The following MTHFD1L variants were observed in gnomAD, a reference collection of about 807,000 sequenced individuals.
MTHFD1L encodes the protein methylenetetrahydrofolate dehydrogenase (NADP+ dependent) 1 like.
In MTHFD1L, 81 loss-of-function variants were observed where a neutral mutation model predicts 119.5. The ratio of observed to expected loss-of-function variants is 0.68; its 90% CI spans 0.57 to 0.82. The LOEUF (loss-of-function observed/expected upper bound fraction) is 0.82. Ranked by LOEUF, MTHFD1L falls within the 40% of genes least tolerant of loss-of-function variation. MTHFD1L has a pLI of 0.00. For synonymous variants in MTHFD1L, 430 were observed against 475.2 expected (o/e 0.90, Z 1.24); for missense variants, 1,125 against 1,253.4 (o/e 0.90, Z 1.55).
chr6:150,956,922 A>G (rs909602167), intron 17 of MTHFD1L, among the ~76,000 whole-genome samples: 1 of 152,192 alleles, frequency 6.6e-6, no homozygotes, highest in Non-Finnish European at 1.5e-5. Context: ...ACTTACACAC[A>G]CACACACAAA....
chr6:150,947,611 T>A (rs1377805761), intron 15 of MTHFD1L, among the ~76,000 whole-genome samples: 1 of 152,052 alleles, frequency 6.6e-6, no homozygotes, highest in Non-Finnish European at 1.5e-5. Context: ...GTTTTAATTT[T>A]TTTTTTTCTC....
chr6:150,916,737 CTTTTTTTTTTTTTTTTTTT>C (rs57961829), intron 8 of MTHFD1L, among the ~76,000 whole-genome samples: 20 of 72,138 alleles, frequency 2.8e-4, no homozygotes, highest in African/African-American at 6.1e-4. Context: ...GATTCTATCC[CTTTTTTTTTTTTTTTTTTT>C]TTTTTTTTTT....
chr6:151,003,005 T>C (rs192416482), intron 20 of MTHFD1L, among the ~76,000 whole-genome samples: 2 of 152,174 alleles, frequency 1.3e-5, no homozygotes, highest in Admixed American at 1.3e-4. Context: ...AGTGTCCAGG[T>C]GGGGAGCGGA....
intron 20 of MTHFD1L, among the ~76,000 whole-genome samples, chr6:150,985,998 G>T (rs1778254048): frequency 6.6e-6 from 1 of 152,172 alleles, no homozygotes; most frequent in Non-Finnish European, 1.5e-5. Context: ...TATACTCTTG[G>T]TGCCAAAAGG....
At chr6:151,010,098 C>T in intron 21 of MTHFD1L, 140 bp downstream of exon 21, 1 of 1,041,074 alleles carries the variant, frequency 9.6e-7, no homozygotes, top group Non-Finnish European at 1.3e-6. Context: ...TTCCTGTAGA[C>T]CTCCCTCGTG....
intron 26 of MTHFD1L, 132 bp downstream of exon 26, chr6:151,037,249 G>A (rs1250935288): frequency 2.3e-5 from 23 of 988,574 alleles, no homozygotes; most frequent in East Asian, 9.8e-5. Flanking sequence ...TACAGTATTC[G>A]CTATTTTTCT....
At chr6:150,951,554 ATTTTG>A (rs1358587437) in intron 16 of MTHFD1L, among the ~76,000 whole-genome samples, 1 of 152,076 alleles carries the variant, frequency 6.6e-6, no homozygotes, top group South Asian at 2.1e-4. Flanking sequence ...AGCATTTTGT[ATTTTG>A]TTAGCTCTTT....
At chr6:151,041,560 C>T (rs1374379490) in intron 26 of MTHFD1L, among the ~76,000 whole-genome samples, 1 of 152,186 alleles carries the variant, frequency 6.6e-6, no homozygotes. Flanking sequence ...ACCTCAGGAT[C>T]AGAAAGCCTC....
chr6:150,947,166 C>T (rs969062130), intron 15 of MTHFD1L, among the ~76,000 whole-genome samples: 40 of 150,698 alleles, frequency 2.7e-4, no homozygotes, highest in African/African-American at 5.3e-4. Context: ...GGCACGATCT[C>T]GGCTCGCTGC....
At chr6:150,910,866 A>G (rs1471974580) in intron 8 of MTHFD1L, among the ~76,000 whole-genome samples, 1 of 152,206 alleles carries the variant, frequency 6.6e-6, no homozygotes, top group Non-Finnish European at 1.5e-5. Context: ...ATCAAACCCA[A>G]GAAAGGAAGA....
intron 9 of MTHFD1L, among the ~76,000 whole-genome samples, 189 bp downstream of exon 9, chr6:150,918,857 G>C (rs1788432318): frequency 6.6e-6 from 1 of 152,314 alleles, no homozygotes; most frequent in East Asian, 1.9e-4. Flanking sequence ...TCACATGGCA[G>C]TGTGGGGCAG....
intron 7 of MTHFD1L, among the ~76,000 whole-genome samples, chr6:150,891,650 T>C (rs1783308195): frequency 6.6e-6 from 1 of 151,714 alleles, no homozygotes; most frequent in South Asian, 2.1e-4. Context: ...GAAAAGCATT[T>C]ATTGAGGCAA....
At position 150,923,355 on chromosome 6, in the gene MTHFD1L, A is replaced by T. The variant is rs147206252; in HGVS notation, c.1082+1053A>T. The stretch of plus-strand genomic sequence containing the variant: ...GACAGCTGCATTTTCCAGCCTGATG[A>T]TGAGTCATCTGTGTCTGTCCCACTC... On this transcript the variant is annotated intron_variant, in intron 10 of 27. Transcript: ENST00000367321. Among the ~76,000 whole-genome samples the T allele has an allele frequency of 1.9e-3, 284 of 152,038 alleles. 2 individuals carry two copies. The highest frequency in any genetic ancestry group is 6.4e-3 in the African/African-American group (265 of 41,472).
chr6:150,997,656 T>G (rs1779982265), intron 20 of MTHFD1L, among the ~76,000 whole-genome samples: 2 of 151,954 alleles, frequency 1.3e-5, no homozygotes, highest in African/African-American at 4.8e-5. Flanking sequence ...CCAGGTGTGG[T>G]GGTGTGCACC....
At chr6:150,925,773 A>G (rs1313754760) in intron 10 of MTHFD1L, among the ~76,000 whole-genome samples, 2 of 152,158 alleles carry the variant, frequency 1.3e-5, no homozygotes, top group Non-Finnish European at 2.9e-5. Flanking sequence ...AATGAATACC[A>G]TGATGGCCCA....
At chr6:150,871,945 T>G (rs747953552) in intron 1 of MTHFD1L, among the ~76,000 whole-genome samples, 1 of 151,870 alleles carries the variant, frequency 6.6e-6, no homozygotes, top group African/African-American at 2.4e-5. Context: ...TGGCGCGATC[T>G]CTGCTCACTG....
At chr6:151,063,563 G>A (rs1156799162) in intron 26 of MTHFD1L, among the ~76,000 whole-genome samples, 1 of 152,144 alleles carries the variant, frequency 6.6e-6, no homozygotes, top group Non-Finnish European at 1.5e-5. Flanking sequence ...ACCAACAAAT[G>A]TGTCTTATGC....
chr6:151,071,870 C>G (rs1205266016), intron 26 of MTHFD1L, among the ~76,000 whole-genome samples: 1 of 106,494 alleles, frequency 9.4e-6, no homozygotes, highest in African/African-American at 3.5e-5. Context: ...GAGTTGGAGT[C>G]TCACTCCGAT....
At chr6:150,929,566 G>A (rs1465574702) in intron 11 of MTHFD1L, among the ~76,000 whole-genome samples, 1 of 152,200 alleles carries the variant, frequency 6.6e-6, no homozygotes. Flanking sequence ...TTCCTTACTT[G>A]TAAACAAAGC....
Sources: gnomAD v4.1 joint callset for allele counts (sites outside exome capture counted in the v4.1 genomes callset) on GRCh38, gnomAD v4.1.1 for gene constraint, MANE v1.5 for transcripts, NCBI Gene and HGNC (gene_info 2026-07-23, HGNC 2026-07-21) for gene names.